Variants in ALOX12 observed in about 807,000 individuals in gnomAD.
ALOX12 encodes the protein arachidonate 12-lipoxygenase, 12S type, also known as polyunsaturated fatty acid lipoxygenase ALOX12.
Under a neutral mutation model 85.5 loss-of-function variants are expected in ALOX12, and 62 were observed. That is an observed-to-expected ratio of 0.73 (90% CI 0.59 to 0.90). The LOEUF is 0.90. ALOX12 is among the 40% of genes least tolerant of loss of function. The probability of loss-of-function intolerance (pLI) is 0.00; values close to 1 mark genes in which losing one functional copy is unlikely to be tolerated. For missense variants in ALOX12, 751 were observed against 856.5 expected, an observed-to-expected ratio of 0.88 and a Z score of 1.54; for synonymous variants, 299 against 332.7, an observed-to-expected ratio of 0.90 and a Z score of 1.10.
chr17:6,998,899 A>T, intron 4 of ALOX12, 54 bp from the exon 5 acceptor site: 1 of 1,614,036 alleles, frequency 6.2e-7, no homozygotes, highest in Non-Finnish European at 8.5e-7. Context: ...ATGATGATAG[A>T]CGGTGAGGGA....
intron 7 of ALOX12, 55 bp from the exon 8 acceptor site, chr17:7,001,547 G>T: frequency 1.3e-6 from 2 of 1,487,212 alleles, no homozygotes; most frequent in Non-Finnish European, 1.9e-6. Flanking sequence ...CCCCAAGAAT[G>T]CTGACTATAA....
intron 5 of ALOX12, 117 bp downstream of exon 5, chr17:6,999,173 CAG>C: frequency 4.7e-6 from 7 of 1,476,884 alleles, no homozygotes; most frequent in Non-Finnish European, 6.5e-6. Context: ...CTGGTCAACT[CAG>C]AGAGGCCTTG....
At chr17:7,001,553 T>C (rs1908709835) in intron 7 of ALOX12, 49 bp from the exon 8 acceptor site, 2 of 1,513,278 alleles carry the variant, frequency 1.3e-6, no homozygotes, top group African/African-American at 1.4e-5. Context: ...GAATGCTGAC[T>C]ATAATGTCAT....
chr17:7,000,680 T>TG lies in ALOX12; in HGVS notation c.951+203dup, dbSNP rs1218363787. On this transcript the variant is annotated intron_variant, in intron 7 of 13. Transcript: ENST00000251535. The surrounding 1 kb of genome is among the most constrained non-coding windows in gnomAD (Gnocchi z 4.6). Reference sequence around the variant, plus strand: ...TTTTTCAAGAGTCAAAATGGCCTCCTGGAGTTCTCATCCTGTATCCAATGG... The same window carrying TG: ...TTTTTCAAGAGTCAAAATGGCCTCCTGGGAGTTCTCATCCTGTATCCAATGG... 2.0e-5 allele frequency among the ~76,000 whole-genome samples: 3 copies of TG among 152,332 alleles called. No homozygotes were observed. In the East Asian group the frequency reaches 5.8e-4, roughly 29 times the overall value.
chr17:7,005,474 C>CTTTTTTT (rs35201122), intron 9 of ALOX12, 131 bp downstream of exon 9: 96 of 223,280 alleles, frequency 4.3e-4, no homozygotes, highest in African/African-American at 7.4e-4. Flanking sequence ...ATACCCATGT[C>CTTTTTTT]TTTTTTTTTT....
chr17:7,001,918 G>A, intron 8 of ALOX12, 107 bp downstream of exon 8: 1 of 876,926 alleles, frequency 1.1e-6, no homozygotes, highest in Non-Finnish European at 1.8e-6. Context: ...CAATTTGTGA[G>A]TGAAGAGGAG....
intron 7 of ALOX12, chr17:7,001,192 C>T (rs1908691427): frequency 5.6e-6 from 1 of 180,136 alleles, no homozygotes; most frequent in Admixed American, 5.7e-5. Flanking sequence ...CTCAAGTAAT[C>T]TGCCTGCCTC....
chr17:7,008,256 C>G (rs886717759), intron 11 of ALOX12, among the ~76,000 whole-genome samples: 12 of 152,208 alleles, frequency 7.9e-5, no homozygotes, highest in Admixed American at 2.6e-4. Context: ...CACCCTCCCC[C>G]CTGTTCTCTT....
chr17:6,996,846 C>A lies in ALOX12; in HGVS notation c.156C>A (p.Asp52Glu). ...ARGEEEEFDH[D>E]VAEDLGLLQF... ...CACAGGAGGAGGAGTTTGATCATGA[C>A]GTTGCAGAGGACTTGGGGCTCCTGC... The change falls in exon 2 of 14, where the codon GAC becomes GAA. Residue 52 changes from aspartate to glutamate, a missense_variant. Transcript: ENST00000251535. The A allele has an allele frequency of 6.2e-7, 1 of 1,613,606 alleles. No individual in the cohort carries two copies. The highest frequency in any genetic ancestry group is 8.5e-7 in the Non-Finnish European group (1 of 1,179,600).
At chr17:7,008,515 G>A (rs1909198942) in intron 11 of ALOX12, among the ~76,000 whole-genome samples, 1 of 152,150 alleles carries the variant, frequency 6.6e-6, no homozygotes, top group African/African-American at 2.4e-5. Flanking sequence ...GGAGGCCAAG[G>A]TGGGCAGATC....
At chr17:6,998,618 C>T (rs775995047) in intron 3 of ALOX12, 28 bp downstream of exon 3, 27 of 1,609,256 alleles carry the variant, frequency 1.7e-5, no homozygotes, top group Middle Eastern at 3.3e-4. Context: ...AAACTAACCC[C>T]GCCACCACTG....
At position 7,009,855 on chromosome 17, in the gene ALOX12, C is replaced by T; in HGVS notation, c.1641+8C>T. 2.5e-6 allele frequency: 4 copies of T among 1,614,156 alleles called. No homozygotes were observed. The highest frequency in any genetic ancestry group is 3.4e-6 in the Non-Finnish European group (4 of 1,179,980). The stretch of plus-strand genomic sequence containing the variant: ...GCCATCAACCAGGGCCAGGTATGGA[C>T]AGCTGAAAGCCCAGGTCCCTGAAGG... On this transcript the variant is annotated splice_region_variant and intron_variant, in intron 12 of 13. Coordinates refer to ENST00000251535, the MANE Select transcript of ALOX12 (RefSeq NM_000697.3).
rs1909026421 is a variant in ALOX12 at position 7,005,952 on chromosome 17, C to G, written c.1343C>G (p.Ala448Gly). 1 of 1,612,706 alleles carries G rather than the reference C, an allele frequency of 6.2e-7. No individual in the cohort carries two copies. Among genetic ancestry groups the G allele is most frequent in the Non-Finnish European group, 8.5e-7 (1 of 1,179,624 alleles). Reference protein sequence around the residue: ...YCSLCPPDDLADRGLLGLPGA... With the variant: ...YCSLCPPDDLGDRGLLGLPGA... The stretch of plus-strand genomic sequence containing the variant: ...TCCCTCTGTCCTCCTGACGACCTGG[C>G]TGACCGGGGCCTGCTGGGACTCCCA... Residue 448 changes from alanine (A) to glycine (G), a missense_variant, in exon 10 of 14, where the codon GCT (alanine) becomes GGT (glycine). Transcript: ENST00000251535.
In ALOX12 at chr17:6,997,067, G is replaced by A. The variant is rs746887910; in HGVS notation, c.337+40G>A. The stretch of plus-strand genomic sequence containing the variant: ...TCGGGGAAGGAGGCACAAGGTCTCG[G>A]GAACTGCTGCGGGGCTAGGAGGGCA... On this transcript the variant is annotated intron_variant, in intron 2 of 13. Transcript: ENST00000251535. The A allele has an allele frequency of 1.8e-4, 275 of 1,503,456 alleles. 1 individual carries two copies. The highest frequency in any genetic ancestry group is 6.8e-4 in the Middle Eastern group (3 of 4,430). The allele number at this position is 1,503,456 out of a possible 1,614,324, so 93.1% of individuals were successfully genotyped here.
intron 5 of ALOX12, 33 bp from the exon 6 acceptor site, chr17:6,999,273 G>A (rs1309788649): frequency 6.2e-7 from 1 of 1,613,674 alleles, no homozygotes; most frequent in African/African-American, 1.3e-5. Context: ...GCAGGCTGTG[G>A]TACATATATC....
chr17:7,009,145 T>C (rs748130493), intron 11 of ALOX12, among the ~76,000 whole-genome samples: 1 of 151,360 alleles, frequency 6.6e-6, no homozygotes, highest in African/African-American at 2.4e-5. Context: ...CTGCAAGCTC[T>C]GCCTCCCGGG....
Position 7,005,933 on chromosome 17 carries a change from T to C in ALOX12, c.1324T>C (p.Cys442Arg). The change falls in exon 10 of 14, where the codon TGT becomes CGT. Residue 442 changes from cysteine (C) to arginine (R), a missense_variant. Transcript: ENST00000251535. ...AAAQLTYCSL[C>R]PPDDLADRGL... Reference sequence around the variant, plus strand: ...AGCTCAGCTGACCTACTGCTCCCTCTGTCCTCCTGACGACCTGGCTGACCG... The same window carrying C: ...AGCTCAGCTGACCTACTGCTCCCTCCGTCCTCCTGACGACCTGGCTGACCG... 6.2e-7 allele frequency: 1 copy of C among 1,613,628 alleles called. No individual in the cohort carries two copies. Among genetic ancestry groups the C allele is most frequent in the Non-Finnish European group, 8.5e-7 (1 of 1,179,856 alleles).
rs752646856 is a variant in ALOX12, at chr17:7,010,248, C to G, written c.1817C>G (p.Pro606Arg). 9.9e-6 allele frequency: 16 copies of G among 1,613,600 alleles called. 1 individual carries two copies. In the East Asian group the frequency reaches 3.6e-4, roughly 36 times the overall value. ...TGATCCTTTGTTCTGTCTCAGGTGC[C>G]TCTGGGGCACCACAAAGAAAAATAT... Reference protein sequence around the residue: ...HLSRRQPDMVPLGHHKEKYFS... With the variant: ...HLSRRQPDMVRLGHHKEKYFS... The change falls in exon 14 of 14, where the codon CCT (proline) becomes CGT (arginine). Residue 606 changes from proline (P) to arginine (R), a missense_variant. Transcript: ENST00000251535.
chr17:7,004,135 ATAAT>A (rs1567719018), intron 8 of ALOX12, among the ~76,000 whole-genome samples: 8 of 140,472 alleles, frequency 5.7e-5, no homozygotes, highest in Admixed American at 7.5e-5. Context: ...TTTTAAATAA[ATAAT>A]TAAAATTTAA....
Sources: gnomAD v4.1 joint callset for allele counts (sites outside exome capture counted in the v4.1 genomes callset) on GRCh38, gnomAD v4.1.1 for gene constraint, Gnocchi (gnomAD v3.1) non-coding constraint, MANE v1.5 for transcripts, NCBI Gene and HGNC (gene_info 2026-07-23, HGNC 2026-07-21) for gene names.